RGS7BP: variants seen among roughly 807,000 people sequenced by gnomAD.
RGS7BP encodes regulator of G protein signaling 7 binding protein, also known as regulator of G protein signaling 7-binding protein.
In RGS7BP, 9 loss-of-function variants were observed where a neutral mutation model predicts 31.3. The observed-to-expected ratio is 0.29, with a 90% CI of 0.17 to 0.50. The LOEUF (loss-of-function observed/expected upper bound fraction) is 0.50. Ranked by LOEUF, RGS7BP falls within the 20% of genes least tolerant of loss-of-function variation. RGS7BP has a pLI of 0.98. For synonymous variants in RGS7BP, 115 were observed against 120.1 expected, an observed-to-expected ratio of 0.96 and a Z score of 0.28; for missense variants, 274 against 322.0, an observed-to-expected ratio of 0.85 and a Z score of 1.14.
intron 2 of RGS7BP, among the ~76,000 whole-genome samples, chr5:64,512,085 C>T (rs965287043): frequency 4.6e-5 from 7 of 152,152 alleles, no homozygotes; most frequent in African/African-American, 1.4e-4. Flanking sequence ...TCCAGCACAC[C>T]TTGGGAGTTA....
chr5:64,533,353 G>A (rs1054428524), intron 2 of RGS7BP, among the ~76,000 whole-genome samples: 1 of 152,182 alleles, frequency 6.6e-6, no homozygotes, highest in African/African-American at 2.4e-5. Flanking sequence ...AGATCTTCAG[G>A]TAAATGGCTC....
chr5:64,572,016 T>A (rs1742310999), intron 2 of RGS7BP, among the ~76,000 whole-genome samples: 1 of 152,122 alleles, frequency 6.6e-6, no homozygotes. Context: ...TTGACTGAAT[T>A]AAATGAATCA....
At chr5:64,515,344 C>T (rs931931754) in intron 2 of RGS7BP, among the ~76,000 whole-genome samples, 2 of 152,060 alleles carry the variant, frequency 1.3e-5, no homozygotes, top group African/African-American at 4.8e-5. Flanking sequence ...TACCTAAGAG[C>T]AATTTGTGAG....
intron 2 of RGS7BP, among the ~76,000 whole-genome samples, chr5:64,554,385 C>T (rs1741873986): frequency 6.6e-6 from 1 of 152,110 alleles, no homozygotes; most frequent in African/African-American, 2.4e-5. Flanking sequence ...CTGTTTGCCA[C>T]CCATACCTTT....
At chr5:64,511,328 G>C (rs272628) in intron 2 of RGS7BP, among the ~76,000 whole-genome samples, 44,196 of 152,142 alleles carry the variant, frequency 0.29, 7,287 homozygotes, top group Admixed American at 0.37. Flanking sequence ...TCTGCATTCT[G>C]GACAGACCCA....
chr5:64,551,455 G>A (rs1035737692), intron 2 of RGS7BP, among the ~76,000 whole-genome samples: 2 of 151,400 alleles, frequency 1.3e-5, no homozygotes, highest in African/African-American at 4.9e-5. Context: ...TAGAGACAGG[G>A]TTTCACCATT....
chr5:64,521,326 T>C (rs1350974240), intron 2 of RGS7BP, among the ~76,000 whole-genome samples: 4 of 152,182 alleles, frequency 2.6e-5, no homozygotes. Flanking sequence ...GCCGTGGCCT[T>C]GGCTCACTGC....
chr5:64,567,502 G>A (rs535449356), intron 2 of RGS7BP, among the ~76,000 whole-genome samples: 26 of 152,126 alleles, frequency 1.7e-4, no homozygotes, highest in African/African-American at 4.6e-4. Flanking sequence ...AACATTTTAC[G>A]ATACTTGCTT....
chr5:64,540,348 A>G lies in RGS7BP; in HGVS notation c.332+32471A>G, dbSNP rs569373984. On this transcript the variant is annotated intron_variant, in intron 2 of 5. Coordinates refer to ENST00000334025, the MANE Select transcript of RGS7BP (RefSeq NM_001029875.3). ...ATAATCTTTTTTCATTTAACAGTAT[A>G]ATAAGTAATTTGCCATAACTTTGTT... Among the ~76,000 whole-genome samples, 3 of 152,320 alleles carry G rather than the reference A, an allele frequency of 2.0e-5. No individual in the cohort carries two copies. In the South Asian group the frequency reaches 6.2e-4, roughly 32 times the overall value.
At chr5:64,507,223 CCCGTCAGG>C (rs1179941547) in intron 1 of RGS7BP, among the ~76,000 whole-genome samples, 3 of 152,234 alleles carry the variant, frequency 2.0e-5, no homozygotes, top group Non-Finnish European at 4.4e-5. Flanking sequence ...AGCTGGTCTT[CCCGTCAGG>C]CCGTCAGGCC....
intron 2 of RGS7BP, among the ~76,000 whole-genome samples, chr5:64,508,682 A>G (rs1748757833): frequency 6.6e-6 from 1 of 152,218 alleles, no homozygotes; most frequent in African/African-American, 2.4e-5. Flanking sequence ...TCCTTATACA[A>G]ATACATCAAT....
At position 64,610,477 on chromosome 5, in the gene RGS7BP, C is replaced by A. The variant is rs143889381; in HGVS notation, c.*1225C>A. ...TGGGTTGAGAGATCAAGTCTTTGCA[C>A]TTTTTTTCTTGTTTTCCATAGTCTG... On this transcript the variant is annotated 3_prime_UTR_variant, in exon 6 of 6. Coordinates refer to ENST00000334025, the MANE Select transcript of RGS7BP (RefSeq NM_001029875.3). 2 of 151,850 alleles carry A rather than the reference C, an allele frequency of 1.3e-5. No homozygotes were observed. The highest frequency in any genetic ancestry group is 4.8e-5 in the African/African-American group (2 of 41,372). 9.4% of individuals were successfully genotyped at this position (151,850 alleles called of 1,614,324 possible).
chr5:64,577,326 C>A (rs1228896688), intron 3 of RGS7BP, among the ~76,000 whole-genome samples: 1 of 152,014 alleles, frequency 6.6e-6, no homozygotes, highest in Non-Finnish European at 1.5e-5. Context: ...CCTGTAATCC[C>A]AGCTATTCAG....
At chr5:64,531,745 T>C (rs571489491) in intron 2 of RGS7BP, among the ~76,000 whole-genome samples, 158 of 152,314 alleles carry the variant, frequency 1.0e-3, no homozygotes, top group African/African-American at 3.6e-3. Flanking sequence ...TTTGTGCACA[T>C]GTATGGTAGG....
In RGS7BP at chr5:64,606,928, G is replaced by A. The variant is rs1485141747; in HGVS notation, c.683-2233G>A. On this transcript the variant is annotated intron_variant, in intron 5 of 5. Coordinates refer to ENST00000334025, the MANE Select transcript of RGS7BP (RefSeq NM_001029875.3). ...CAATTATAGCCCTGTTTTTCTCCATGTTAACAGAATATGAGCTTTAAGAAA... is the reference window on the plus strand; with the variant it reads ...CAATTATAGCCCTGTTTTTCTCCATATTAACAGAATATGAGCTTTAAGAAA... 2.0e-5 allele frequency among the ~76,000 whole-genome samples: 3 copies of A among 152,200 alleles called. No homozygotes were observed. In the East Asian group the frequency reaches 5.8e-4, roughly 29 times the overall value.
At chr5:64,538,546 C>CTTTTTTTTTTTT (rs1191560944) in intron 2 of RGS7BP, among the ~76,000 whole-genome samples, 3 of 40,036 alleles carry the variant, frequency 7.5e-5, no homozygotes, top group African/African-American at 2.2e-4. Flanking sequence ...TTTTCCTTTT[C>CTTTTTTTTTTTT]TTTTTTTTTT....
chr5:64,537,160 G>A (rs948978934), intron 2 of RGS7BP, among the ~76,000 whole-genome samples: 3 of 152,204 alleles, frequency 2.0e-5, no homozygotes, highest in African/African-American at 7.2e-5. Flanking sequence ...CAAAGAGAAG[G>A]TCTTAGTCCA....
rs780169031 is a variant in RGS7BP at position 64,506,581 on chromosome 5, G to A, written c.-44G>A. The stretch of plus-strand genomic sequence containing the variant: ...GGGCAACAACCGGGCCGCCCGCGCC[G>A]GGGCGCACTGCACCAGCGGCTTCGG... On this transcript the variant is annotated 5_prime_UTR_variant, in exon 1 of 6. Transcript: ENST00000334025. This position sits in a 1 kb window ranked among gnomAD's most constrained non-coding sequence, Gnocchi z 4.6. 4 of 1,540,048 alleles carry A rather than the reference G, an allele frequency of 2.6e-6. No individual in the cohort carries two copies. Among genetic ancestry groups the A allele is most frequent in the Admixed American group, 1.9e-5 (1 of 53,336 alleles).
At chr5:64,530,683 AT>A (rs1749347140) in intron 2 of RGS7BP, among the ~76,000 whole-genome samples, 1 of 151,958 alleles carries the variant, frequency 6.6e-6, no homozygotes, top group African/African-American at 2.4e-5. Flanking sequence ...TTTTCCCTTC[AT>A]TTTACTTATA....
Sources: allele counts gnomAD v4.1 joint callset (sites outside exome capture counted in the v4.1 genomes callset), GRCh38; gene constraint gnomAD v4.1.1; non-coding constraint Gnocchi (gnomAD v3.1); transcripts MANE v1.5; gene names NCBI Gene and HGNC (gene_info 2026-07-23, HGNC 2026-07-21).